Variants in FGF13 observed in about 807,000 individuals in gnomAD.
The protein encoded by FGF13 is fibroblast growth factor homologous factor 2.
Under a neutral mutation model 19.5 loss-of-function variants are expected in FGF13, and 2 were observed. That is an observed-to-expected ratio of 0.10 (90% CI 0.04 to 0.32). FGF13 has a LOEUF of 0.32. Among genes scored for constraint, FGF13 ranks in the 10% least tolerant of loss-of-function variants. The pLI, the probability that FGF13 is intolerant of heterozygous loss-of-function variation, is 1.00. For synonymous variants in FGF13, 72 were observed against 76.9 expected (o/e 0.94, Z 0.33); for missense variants, 113 against 192.7 (o/e 0.59, Z 2.45).
upstream of FGF13, among the ~76,000 whole-genome samples, chrX:138,741,518 G>A (rs151097167): frequency 3.5e-4 from 39 of 111,714 alleles, no homozygotes; most frequent in Non-Finnish European, 6.4e-4. Context: ...CTAGCTGCCT[G>A]TAATTCCACT....
chrX:138,688,498 TAGAGA>T (rs2089807575), intron 3 of FGF13, among the ~76,000 whole-genome samples: 1 of 111,671 alleles, frequency 9.0e-6, no homozygotes, highest in Admixed American at 9.5e-5. Flanking sequence ...ACACAAAGAA[TAGAGA>T]AATGTCTGAA....
chrX:139,079,083 C>T (rs1207500737), intron 1 of FGF13, among the ~76,000 whole-genome samples: 1 of 112,268 alleles, frequency 8.9e-6, no homozygotes, highest in Non-Finnish European at 1.9e-5. Context: ...CCAATCCATC[C>T]TCATCAGCTC....
At chrX:138,939,021 A>G (rs2091745724) in intron 1 of FGF13, among the ~76,000 whole-genome samples, 1 of 112,300 alleles carries the variant, frequency 8.9e-6, no homozygotes, top group Non-Finnish European at 1.9e-5. Context: ...GGCATTTGCC[A>G]TGTTGAGGTG....
At chrX:138,895,271 A>T (rs1175838578) in intron 1 of FGF13, among the ~76,000 whole-genome samples, 1 of 112,042 alleles carries the variant, frequency 8.9e-6, no homozygotes, top group Non-Finnish European at 1.9e-5. Context: ...CACCATCCAC[A>T]GTTACCATGT....
At chrX:138,710,070 G>A (rs1410290461) in intron 1 of FGF13, among the ~76,000 whole-genome samples, 1 of 111,112 alleles carries the variant, frequency 9.0e-6, no homozygotes, top group Non-Finnish European at 1.9e-5. Flanking sequence ...CTGACACCTA[G>A]AGCTGAATTT....
intron 1 of FGF13, among the ~76,000 whole-genome samples, chrX:138,979,354 GT>G (rs1365096495): frequency 9.0e-6 from 1 of 110,849 alleles, no homozygotes. Flanking sequence ...CGAGGTATCA[GT>G]TGGCCCAACA....
intron 3 of FGF13, among the ~76,000 whole-genome samples, chrX:138,677,975 T>G (rs1188596262): frequency 3.6e-5 from 4 of 112,181 alleles, no homozygotes; most frequent in Non-Finnish European, 5.6e-5. Flanking sequence ...GTGGCACATA[T>G]ACACCATGGA....
At chrX:138,894,303 G>C (rs915132741) in intron 1 of FGF13, among the ~76,000 whole-genome samples, 2 of 109,042 alleles carry the variant, frequency 1.8e-5, no homozygotes, top group Non-Finnish European at 3.8e-5. Context: ...AAATAACTAA[G>C]ATCAGAGCAG....
At chrX:139,172,659 G>A (rs1603230121) in intron 1 of FGF13, among the ~76,000 whole-genome samples, 2 of 111,866 alleles carry the variant, frequency 1.8e-5, no homozygotes, top group South Asian at 3.7e-4. Flanking sequence ...AGTTTAGGTA[G>A]TATTTCACCA....
chrX:139,044,236 T>C lies in FGF13; in HGVS notation c.-113+159180A>G, dbSNP rs145081131. Among the ~76,000 whole-genome samples the C allele has an allele frequency of 7.5e-3, 840 of 112,178 alleles. 11 individuals carry two copies. The highest frequency in any genetic ancestry group is 0.026 in the African/African-American group (803 of 30,735). ...AACAGGTTTAACTGGCTCACAGTTC[T>C]ACAGGTTTCACTGGAAGCATGGTGC... On this transcript the variant is annotated intron_variant, in intron 1 of 2. Coordinates refer to the FGF13 transcript ENST00000421460.
chrX:139,079,324 G>C (rs2083354216), intron 1 of FGF13, among the ~76,000 whole-genome samples: 1 of 111,117 alleles, frequency 9.0e-6, no homozygotes, highest in African/African-American at 3.3e-5. Flanking sequence ...TTATAGAGAG[G>C]GCAGGGGCAA....
intron 1 of FGF13, among the ~76,000 whole-genome samples, chrX:138,719,192 T>C (rs1178486954): frequency 8.9e-6 from 1 of 112,297 alleles, no homozygotes; most frequent in Admixed American, 9.4e-5. Context: ...TGGATGTGAC[T>C]ATGTTTTGGC....
chrX:139,011,962 C>T (rs1395247001), intron 1 of FGF13, among the ~76,000 whole-genome samples: 2 of 111,237 alleles, frequency 1.8e-5, no homozygotes, highest in Non-Finnish European at 3.8e-5. Flanking sequence ...ATCCAAAAAG[C>T]TCCTAGAACT....
In FGF13 at chrX:138,787,939, A is replaced by C. The variant is rs762884503; in HGVS notation, c.217+69573T>G. 9.8e-5 allele frequency among the ~76,000 whole-genome samples: 11 copies of C among 111,891 alleles called. 1 individual carries two copies. The South Asian group carries it at 3.8e-3, about 38-fold the overall frequency. On this transcript the variant is annotated intron_variant, in intron 3 of 6. Transcript: ENST00000436198. ...AACATATGGATTTTGGGAGGATGAA[A>C]ACATTCAGTTCATTGCATTCCAATC... is the stretch of plus-strand genomic sequence containing the variant.
chrX:138,751,746 T>C (rs975673842), intron 3 of FGF13, among the ~76,000 whole-genome samples: 8 of 111,812 alleles, frequency 7.2e-5, no homozygotes, highest in Non-Finnish European at 1.5e-4. Flanking sequence ...ATGAGGTGTA[T>C]CCATGGTCAA....
At chrX:138,972,667 T>A (rs972147361) in intron 1 of FGF13, among the ~76,000 whole-genome samples, 1 of 111,148 alleles carries the variant, frequency 9.0e-6, no homozygotes, top group African/African-American at 3.3e-5. Context: ...CTCACCATCA[T>A]TTTTTATTTT....
At chrX:138,667,740 C>T (rs756636874) in intron 3 of FGF13, 54 of 369,186 alleles carry the variant, frequency 1.5e-4, no homozygotes, top group Non-Finnish European at 6.0e-5. Flanking sequence ...CTGCCCTGCA[C>T]TCCCTTCAGT....
At position 139,200,241 on chromosome X, in the gene FGF13, A is replaced by G. The variant is rs190814008; in HGVS notation, c.-113+3175T>C. ...TCTTGTCGGTAAAATACCTCTAAAC[A>G]TCTGCTTTTGCCTGGCCCAAGTCTG... is the stretch of plus-strand genomic sequence containing the variant. On this transcript the variant is annotated intron_variant, in intron 1 of 2. Transcript: ENST00000421460. Among the ~76,000 whole-genome samples the G allele has an allele frequency of 6.0e-3, 669 of 112,336 alleles. 8 individuals are homozygous for G. Among genetic ancestry groups the G allele is most frequent in the African/African-American group, 0.02 (615 of 30,908 alleles).
intron 3 of FGF13, among the ~76,000 whole-genome samples, chrX:138,811,793 T>C (rs1446633905): frequency 1.8e-5 from 2 of 110,107 alleles, no homozygotes; most frequent in Non-Finnish European, 3.8e-5. Flanking sequence ...GTATTTCCTA[T>C]GTTAGTAAAT....
Sources: allele counts gnomAD v4.1 joint callset (sites outside exome capture counted in the v4.1 genomes callset), GRCh38; gene constraint gnomAD v4.1.1; transcripts MANE v1.5; gene names NCBI Gene and HGNC (gene_info 2026-07-23, HGNC 2026-07-21).